ICA1: variants seen among roughly 807,000 people sequenced by gnomAD.
ICA1 encodes the protein islet cell autoantigen 1.
In ICA1, 40 loss-of-function variants were observed where a neutral mutation model predicts 71.0. That is an observed-to-expected ratio of 0.56 (90% CI 0.44 to 0.73). The LOEUF (loss-of-function observed/expected upper bound fraction) is 0.73, where lower values mean the gene tolerates loss of function less well. Among genes scored for constraint, ICA1 ranks in the 30% least tolerant of loss-of-function variants. The pLI is 0.00. For missense variants in ICA1, 578 were observed against 576.5 expected, an observed-to-expected ratio of 1.00 and a Z score of -0.03; for synonymous variants, 207 against 209.5, an observed-to-expected ratio of 0.99 and a Z score of 0.10.
intron 6 of ICA1, among the ~76,000 whole-genome samples, chr7:8,199,694 C>A (rs1254958260): frequency 6.6e-6 from 1 of 152,148 alleles, no homozygotes; most frequent in African/African-American, 2.4e-5. Flanking sequence ...ACACTGATGA[C>A]AGAGCGAGAC....
At chr7:8,252,127 A>G (rs1808407495) in intron 1 of ICA1, among the ~76,000 whole-genome samples, 1 of 152,244 alleles carries the variant, frequency 6.6e-6, no homozygotes, top group African/African-American at 2.4e-5. Context: ...TATAAATTAT[A>G]TTCACCTTTG....
At position 8,144,692 on chromosome 7, in the gene ICA1, C is replaced by T. The variant is rs193127692; in HGVS notation, c.805-720G>A. ...AAACTGTATACCAGTGACAATGATCCTGAAAGAAAAAGCAAAACATTTCTA... is the reference window on the plus strand; with the variant it reads ...AAACTGTATACCAGTGACAATGATCTTGAAAGAAAAAGCAAAACATTTCTA... On this transcript the variant is annotated intron_variant, in intron 8 of 13. Transcript: ENST00000402384. The surrounding 1 kb of genome is among the most constrained non-coding windows in gnomAD (Gnocchi z 4.5). Among the ~76,000 whole-genome samples the T allele has an allele frequency of 4.6e-4, 70 of 151,824 alleles. No homozygotes were observed. Among genetic ancestry groups the T allele is most frequent in the African/African-American group, 1.6e-3 (68 of 41,400 alleles).
intron 6 of ICA1, among the ~76,000 whole-genome samples, chr7:8,195,781 C>T (rs541447449): frequency 7.9e-5 from 12 of 152,210 alleles, no homozygotes; most frequent in Non-Finnish European, 1.3e-4. Flanking sequence ...AGTTCGAGAC[C>T]AGCCTAGCCA....
chr7:8,114,464 G>A (rs1381976779), intron 13 of ICA1, among the ~76,000 whole-genome samples: 1 of 152,186 alleles, frequency 6.6e-6, no homozygotes, highest in Non-Finnish European at 1.5e-5. Context: ...TGCTGGGTCA[G>A]GAGAAATATT....
At chr7:8,127,798 A>G (rs1278088321) in intron 13 of ICA1, 75 bp downstream of exon 13, 3 of 1,439,362 alleles carry the variant, frequency 2.1e-6, no homozygotes, top group Non-Finnish European at 2.8e-6. Flanking sequence ...CAAAGAAGGA[A>G]GAAATATGCT....
At chr7:8,247,987 C>G (rs370050144) in intron 1 of ICA1, among the ~76,000 whole-genome samples, 3 of 152,328 alleles carry the variant, frequency 2.0e-5, no homozygotes, top group African/African-American at 7.2e-5. Context: ...CTTGGTAAAA[C>G]TCAAATGTAG....
intron 12 of ICA1, among the ~76,000 whole-genome samples, chr7:8,129,376 T>TA (rs1166692977): frequency 3.1e-4 from 44 of 142,150 alleles, no homozygotes; most frequent in Non-Finnish European, 4.9e-4. Context: ...GCTTTTTTTT[T>TA]AAAAAAAAAA....
intron 1 of ICA1, among the ~76,000 whole-genome samples, chr7:8,252,349 G>A (rs1808467166): frequency 6.6e-6 from 1 of 152,084 alleles, no homozygotes; most frequent in Non-Finnish European, 1.5e-5. Context: ...TTAAATCATA[G>A]GTCTAAATGT....
In ICA1 at chr7:8,173,171, A is replaced by C. The variant is rs1779430159; in HGVS notation, c.580-14519T>G. Among the ~76,000 whole-genome samples, 1 of 152,204 alleles carries C rather than the reference A, an allele frequency of 6.6e-6. No individual in the cohort carries two copies. The highest frequency in any genetic ancestry group is 2.4e-5 in the African/African-American group (1 of 41,458). On this transcript the variant is annotated intron_variant, in intron 6 of 13. Transcript: ENST00000402384. The surrounding 1 kb of genome is among the most constrained non-coding windows in gnomAD (Gnocchi z 4.0). ...CTCTGACTATCATGTCCCCTCTCTA[A>C]GTAACCAGGGCTCCTTGACAAAACT...
chr7:8,187,682 CACAA>C (rs1784320609), intron 6 of ICA1, among the ~76,000 whole-genome samples: 1 of 152,132 alleles, frequency 6.6e-6, no homozygotes, highest in Non-Finnish European at 1.5e-5. Context: ...TGTCATAAAG[CACAA>C]ACACATTGTA....
At chr7:8,177,982 C>A (rs1450613841) in intron 6 of ICA1, among the ~76,000 whole-genome samples, 3 of 152,186 alleles carry the variant, frequency 2.0e-5, no homozygotes, top group African/African-American at 7.2e-5. Flanking sequence ...AGGGTAAATG[C>A]AAACTCTGGA....
chr7:8,237,759 T>C (rs1802301642), intron 1 of ICA1, among the ~76,000 whole-genome samples: 1 of 152,148 alleles, frequency 6.6e-6, no homozygotes, highest in Admixed American at 6.6e-5. Context: ...TTGTAGTATA[T>C]GACAGGACTT....
chr7:8,130,146 C>T lies in ICA1; in HGVS notation c.1061-2004G>A, dbSNP rs1306225660. 1.3e-5 allele frequency among the ~76,000 whole-genome samples: 2 copies of T among 152,150 alleles called. No individual in the cohort carries two copies. Among genetic ancestry groups the T allele is most frequent in the African/African-American group, 2.4e-5 (1 of 41,414 alleles). The stretch of plus-strand genomic sequence containing the variant: ...TGGTTCCAAGTCTTTGCTGCTAGTG[C>T]CGCAATAAACATACGTGGGCATGTG... On this transcript the variant is annotated intron_variant, in intron 12 of 13. Transcript: ENST00000402384. The surrounding 1 kb of genome is among the most constrained non-coding windows in gnomAD (Gnocchi z 4.2).
rs1790940219 is a variant in ICA1 at position 8,130,238 on chromosome 7, G to A, written c.1061-2096C>T. On this transcript the variant is annotated intron_variant, in intron 12 of 13. Coordinates refer to ENST00000402384, the MANE Select transcript of ICA1 (RefSeq NM_001136020.3). The surrounding 1 kb of genome is among the most constrained non-coding windows in gnomAD (Gnocchi z 4.2). ...CAGTAATGGGATGGCTGGGTCGAAT[G>A]GTATTTCGACAGTGTGATATTAACA... Among the ~76,000 whole-genome samples, 1 of 152,182 alleles carries A rather than the reference G, an allele frequency of 6.6e-6. No individual in the cohort carries two copies. Among genetic ancestry groups the A allele is most frequent in the African/African-American group, 2.4e-5 (1 of 41,430 alleles).
At chr7:8,242,039 T>C (rs1804116485) in intron 1 of ICA1, among the ~76,000 whole-genome samples, 1 of 152,102 alleles carries the variant, frequency 6.6e-6, no homozygotes, top group Non-Finnish European at 1.5e-5. Context: ...TATCCAGGAC[T>C]TGAACTCAGC....
At chr7:8,182,296 T>C (rs571341894) in intron 6 of ICA1, among the ~76,000 whole-genome samples, 5 of 152,340 alleles carry the variant, frequency 3.3e-5, no homozygotes, top group African/African-American at 1.2e-4. Context: ...CTCCCTGCAT[T>C]TCAATTGCTT....
chr7:8,157,111 C>T lies in ICA1; in HGVS notation c.804+5G>A. On this transcript the variant is annotated splice_donor_5th_base_variant and intron_variant, in intron 8 of 13. Transcript: ENST00000402384. The stretch of plus-strand genomic sequence containing the variant: ...ATTTTCTAGTGGCCCCTCTAGCTTC[C>T]ATACCTTTAAAGTAGTAAATTCATA... The T allele has an allele frequency of 1.2e-6, 2 of 1,614,150 alleles. No homozygotes were observed. Among genetic ancestry groups the T allele is most frequent in the Middle Eastern group, 1.7e-4 (1 of 6,058 alleles).
chr7:8,161,495 T>C (rs1457753860), intron 6 of ICA1, among the ~76,000 whole-genome samples: 1 of 152,212 alleles, frequency 6.6e-6, no homozygotes, highest in South Asian at 2.1e-4. Flanking sequence ...AGCTCGGCCA[T>C]GTGACTTGCG....
At chr7:8,235,863 A>G (rs762668061) in intron 2 of ICA1, 47 bp downstream of exon 2, 3 of 1,583,070 alleles carry the variant, frequency 1.9e-6, no homozygotes, top group Non-Finnish European at 2.6e-6. Flanking sequence ...ATCATATGCT[A>G]TATGCTTTCT....
Sources: allele counts gnomAD v4.1 joint callset (sites outside exome capture counted in the v4.1 genomes callset), GRCh38; gene constraint gnomAD v4.1.1; non-coding constraint Gnocchi (gnomAD v3.1); transcripts MANE v1.5; gene names NCBI Gene and HGNC (gene_info 2026-07-23, HGNC 2026-07-21).